Variants in MTUS2 observed in about 807,000 individuals in gnomAD.
The protein encoded by MTUS2 is microtubule associated scaffold protein 2, also known as microtubule-associated tumor suppressor candidate 2.
A neutral mutation model predicts 114.1 loss-of-function variants in MTUS2; 40 were observed. The observed-to-expected ratio is 0.35, with a 90% CI of 0.27 to 0.46. The LOEUF (loss-of-function observed/expected upper bound fraction) is 0.46. MTUS2 is among the 20% of genes least tolerant of loss of function. The pLI is 1.00. For synonymous variants in MTUS2, 688 were observed against 672.0 expected, an observed-to-expected ratio of 1.02 and a Z score of -0.37; for missense variants, 1,679 against 1,705.4, an observed-to-expected ratio of 0.98 and a Z score of 0.27.
chr13:28,918,443 T>G (rs1880864956), intron 2 of MTUS2, among the ~76,000 whole-genome samples: 1 of 152,004 alleles, frequency 6.6e-6, no homozygotes, highest in African/African-American at 2.4e-5. Flanking sequence ...TTCTTACAGT[T>G]TTTGTCTTGA....
chr13:28,922,708 C>G (rs1613167), intron 2 of MTUS2, among the ~76,000 whole-genome samples: 132,863 of 152,268 alleles, frequency 0.87, 58,211 homozygotes, highest in East Asian at 0.91. Flanking sequence ...AGATGGGAGA[C>G]GGGTGGCATT....
intron 2 of MTUS2, among the ~76,000 whole-genome samples, chr13:29,014,006 A>G (rs1885962292): frequency 6.6e-6 from 1 of 152,250 alleles, no homozygotes; most frequent in African/African-American, 2.4e-5. Flanking sequence ...TCCAAGGATT[A>G]GGACCCTTCT....
intron 5 of MTUS2, among the ~76,000 whole-genome samples, chr13:29,135,307 T>A (rs1891932115): frequency 2.0e-5 from 3 of 152,220 alleles, no homozygotes; most frequent in Non-Finnish European, 4.4e-5. Flanking sequence ...TCTTATAACT[T>A]TTTTTGATCT....
chr13:29,189,519 G>A (rs1894361509), intron 5 of MTUS2, among the ~76,000 whole-genome samples: 1 of 150,844 alleles, frequency 6.6e-6, no homozygotes, highest in Non-Finnish European at 1.5e-5. Flanking sequence ...ATGTTCTCTA[G>A]CTCAGGCAAA....
At chr13:29,192,257 T>C (rs1024716124) in intron 5 of MTUS2, among the ~76,000 whole-genome samples, 28 of 152,336 alleles carry the variant, frequency 1.8e-4, no homozygotes, top group African/African-American at 5.5e-4. Context: ...TTACTAAGTA[T>C]ACAGAATACT....
intron 8 of MTUS2, among the ~76,000 whole-genome samples, chr13:29,376,083 A>ATTT (rs1871723110): frequency 1.3e-5 from 2 of 151,980 alleles, no homozygotes; most frequent in Non-Finnish European, 2.9e-5. Flanking sequence ...TTATTTATTT[A>ATTT]ATGGGAAATG....
Position 28,990,172 on chromosome 13 carries a change from C to T in MTUS2, c.-242-34285C>T, listed in dbSNP as rs769591862. ...GATGTTTTGGAGGTGTGGGGAATTA[C>T]AGGCCAGGGAGATGTTGGAGGCCTG... On this transcript the variant is annotated intron_variant, in intron 2 of 15. Coordinates refer to ENST00000612955, the MANE Select transcript of MTUS2 (RefSeq NM_001033602.4). 4.6e-5 allele frequency among the ~76,000 whole-genome samples: 7 copies of T among 152,170 alleles called. No individual in the cohort carries two copies. The South Asian group carries it at 8.3e-4, about 18-fold the overall frequency.
chr13:28,919,879 A>G (rs1002364904), intron 2 of MTUS2, among the ~76,000 whole-genome samples: 5 of 152,182 alleles, frequency 3.3e-5, no homozygotes, highest in East Asian at 1.9e-4. Context: ...CAATATGTCA[A>G]TTGCATTTTC....
intron 7 of MTUS2, among the ~76,000 whole-genome samples, chr13:29,327,641 TC>T (rs1272776549): frequency 1.3e-5 from 2 of 152,168 alleles, no homozygotes; most frequent in African/African-American, 2.4e-5. Flanking sequence ...ATTGGGGCTT[TC>T]CCCCCAGAAC....
rs552053954 is a variant in MTUS2, at chr13:29,132,462, C to G, written c.2644+31492C>G. ...CATTGTTGTGCAACCATCACCACCA[C>G]CCATCCACAGAACTGAAACTCTGTA... is the stretch of plus-strand genomic sequence containing the variant. On this transcript the variant is annotated intron_variant, in intron 5 of 15. Coordinates refer to ENST00000612955, the MANE Select transcript of MTUS2 (RefSeq NM_001033602.4). Among the ~76,000 whole-genome samples, 140 of 152,254 alleles carry G rather than the reference C, an allele frequency of 9.2e-4. 1 individual carries two copies. Among genetic ancestry groups the G allele is most frequent in the African/African-American group, 3.2e-3 (132 of 41,554 alleles).
rs1874409119 is a variant in MTUS2 at position 29,402,344 on chromosome 13, G to A, written c.3118-37639G>A. 2.0e-5 allele frequency among the ~76,000 whole-genome samples: 3 copies of A among 152,140 alleles called. No homozygotes were observed. In the South Asian group the frequency reaches 6.2e-4, roughly 31 times the overall value. On this transcript the variant is annotated intron_variant, in intron 8 of 15. Coordinates refer to ENST00000612955, the MANE Select transcript of MTUS2 (RefSeq NM_001033602.4). ...GAACCAAGCAGAGCCTCTCTCTTAGGGACTTGGTTTTTCAGATGTAGAGTG... is the reference window on the plus strand; with the variant it reads ...GAACCAAGCAGAGCCTCTCTCTTAGAGACTTGGTTTTTCAGATGTAGAGTG...
At chr13:29,246,879 T>C (rs1364950942) in intron 5 of MTUS2, among the ~76,000 whole-genome samples, 1 of 143,690 alleles carries the variant, frequency 7.0e-6, no homozygotes, top group East Asian at 2.1e-4. Context: ...AATACCACCA[T>C]CTTTCTTCAC....
At chr13:29,244,908 ATC>A (rs1490296104) in intron 5 of MTUS2, among the ~76,000 whole-genome samples, 204 of 131,340 alleles carry the variant, frequency 1.6e-3, no homozygotes, top group Non-Finnish European at 2.7e-3. Context: ...GTGAGCCGAG[ATC>A]CCGCCACTGC....
chr13:29,362,486 G>C (rs1329652436), intron 8 of MTUS2, among the ~76,000 whole-genome samples: 1 of 148,656 alleles, frequency 6.7e-6, no homozygotes, highest in African/African-American at 2.5e-5. Context: ...CGAGCAGCCT[G>C]GCCAACATGG....
chr13:28,945,390 C>A (rs2138150272), intron 2 of MTUS2, among the ~76,000 whole-genome samples: 1 of 152,028 alleles, frequency 6.6e-6, no homozygotes, highest in Non-Finnish European at 1.5e-5. Context: ...ATTTTTAGTT[C>A]TTTGAGAAAT....
At chr13:29,052,419 T>G (rs1887939798) in intron 4 of MTUS2, among the ~76,000 whole-genome samples, 1 of 132,248 alleles carries the variant, frequency 7.6e-6, no homozygotes, top group South Asian at 2.3e-4. Context: ...AGGCGGAGGT[T>G]GCAGTGAGCC....
intron 5 of MTUS2, among the ~76,000 whole-genome samples, chr13:29,211,842 G>A (rs1347024773): frequency 2.0e-5 from 3 of 151,512 alleles, no homozygotes; most frequent in Non-Finnish European, 4.4e-5. Context: ...CAAAGGGTCT[G>A]TGGATTCTCT....
At chr13:28,857,901 C>T (rs759290650) in intron 2 of MTUS2, among the ~76,000 whole-genome samples, 1 of 152,164 alleles carries the variant, frequency 6.6e-6, no homozygotes, top group African/African-American at 2.4e-5. Flanking sequence ...GCTACATGCC[C>T]TGAGTCCTGG....
chr13:28,821,610 G>A (rs958837188), intron 1 of MTUS2, among the ~76,000 whole-genome samples: 1 of 152,156 alleles, frequency 6.6e-6, no homozygotes, highest in African/African-American at 2.4e-5. Flanking sequence ...GCTGGGAACA[G>A]CCCTTGTCCC....
Sources: gnomAD v4.1 joint callset for allele counts (sites outside exome capture counted in the v4.1 genomes callset) on GRCh38, gnomAD v4.1.1 for gene constraint, MANE v1.5 for transcripts, NCBI Gene and HGNC (gene_info 2026-07-23, HGNC 2026-07-21) for gene names.